IGF2BP1: variants seen among roughly 807,000 people sequenced by gnomAD.
IGF2BP1 encodes insulin like growth factor 2 mRNA binding protein 1.
Under a neutral mutation model 74.9 loss-of-function variants are expected in IGF2BP1, and 11 were observed. The observed-to-expected ratio is 0.15, with a 90% CI of 0.09 to 0.24. The LOEUF is 0.24. Among genes scored for constraint, IGF2BP1 ranks in the 10% least tolerant of loss-of-function variants. The pLI, the probability that IGF2BP1 is intolerant of heterozygous loss-of-function variation, is 1.00. For synonymous variants in IGF2BP1, 287 were observed against 281.8 expected, an observed-to-expected ratio of 1.02 and a Z score of -0.18; for missense variants, 440 against 757.4, an observed-to-expected ratio of 0.58 and a Z score of 4.92.
intron 2 of IGF2BP1, chr17:49,015,066 G>T (rs1328527995): frequency 8.0e-6 from 3 of 374,464 alleles, no homozygotes; most frequent in Non-Finnish European, 1.1e-5. Flanking sequence ...GTGCAGTGGC[G>T]TGATCTCGGC....
chr17:49,014,315 A>C (rs1598130819), intron 2 of IGF2BP1, among the ~76,000 whole-genome samples: 1 of 95,144 alleles, frequency 1.1e-5, no homozygotes, highest in East Asian at 3.8e-4. Flanking sequence ...TCTCCCCCTC[A>C]GTCTCAGCCC....
At chr17:49,016,836 C>T (rs1054388654) in intron 2 of IGF2BP1, among the ~76,000 whole-genome samples, 17 of 146,732 alleles carry the variant, frequency 1.2e-4, no homozygotes, top group African/African-American at 2.5e-4. Context: ...CCTGTCCTCC[C>T]GCCTGTCTGG....
chr17:48,999,392 TA>T (rs2041456714), intron 2 of IGF2BP1, among the ~76,000 whole-genome samples: 1 of 151,806 alleles, frequency 6.6e-6, no homozygotes, highest in Non-Finnish European at 1.5e-5. Context: ...TGGGGTAGGC[TA>T]AAAGATGTTA....
intron 5 of IGF2BP1, chr17:49,037,517 G>T (rs150606492): frequency 1.9e-4 from 38 of 202,438 alleles, no homozygotes; most frequent in Non-Finnish European, 3.3e-4. Flanking sequence ...ATGGACTCAA[G>T]AATGTGTGTT....
intron 2 of IGF2BP1, among the ~76,000 whole-genome samples, chr17:49,006,828 C>T (rs574711904): frequency 6.6e-6 from 1 of 152,282 alleles, no homozygotes; most frequent in South Asian, 2.1e-4. Context: ...ACCAGGGCAA[C>T]CCCACAGAGC....
chr17:49,047,546 C>T (rs568853125), intron 14 of IGF2BP1, among the ~76,000 whole-genome samples: 1 of 151,316 alleles, frequency 6.6e-6, no homozygotes, highest in African/African-American at 2.4e-5. Flanking sequence ...TAAAGGATAC[C>T]TCCAAAGATG....
At chr17:48,998,005 A>C in intron 1 of IGF2BP1, 85 bp downstream of exon 1, 6 of 1,464,576 alleles carry the variant, frequency 4.1e-6, no homozygotes, top group East Asian at 2.4e-5. Flanking sequence ...TCTCCCGCCA[A>C]CTCCTCTCTT....
Position 49,055,550 on chromosome 17 carries a change from G to T in IGF2BP1, c.*6106G>T, listed in dbSNP as rs1452629129. 4 of 397,856 alleles carry T rather than the reference G, an allele frequency of 1.0e-5. No individual in the cohort carries two copies. Among genetic ancestry groups the T allele is most frequent in the Non-Finnish European group, 1.8e-5 (4 of 225,710 alleles). 24.6% of individuals were successfully genotyped at this position (397,856 alleles called of 1,614,324 possible). On this transcript the variant is annotated 3_prime_UTR_variant, in exon 15 of 15. Coordinates refer to ENST00000290341, the MANE Select transcript of IGF2BP1 (RefSeq NM_006546.4). ...CTGGGGAGCCACTTGTAACATTTCT[G>T]TGCAGATTTTATGTTAGCCACTGCT...
intron 2 of IGF2BP1, among the ~76,000 whole-genome samples, chr17:49,019,904 T>TTTTA (rs1202634132): frequency 6.8e-5 from 3 of 43,910 alleles, no homozygotes; most frequent in Non-Finnish European, 1.3e-4. Context: ...CCTGGCTAAT[T>TTTTA]TATATATATA....
chr17:49,015,423 C>T (rs1243199416), intron 2 of IGF2BP1, among the ~76,000 whole-genome samples: 1 of 152,182 alleles, frequency 6.6e-6, no homozygotes, highest in African/African-American at 2.4e-5. Flanking sequence ...GTAGCCTTCC[C>T]GACCCCCGGG....
upstream of IGF2BP1, among the ~76,000 whole-genome samples, chr17:48,997,122 T>C (rs917471056): frequency 1.4e-5 from 2 of 146,262 alleles, no homozygotes; most frequent in African/African-American, 5.0e-5. The surrounding 1 kb of genome is among the most constrained non-coding windows in gnomAD (Gnocchi z 4.8). Context: ...CAGTTTGGGC[T>C]GGGGTAGGGG....
At chr17:49,022,008 A>G (rs971105851) in intron 2 of IGF2BP1, among the ~76,000 whole-genome samples, 5 of 152,212 alleles carry the variant, frequency 3.3e-5, no homozygotes, top group African/African-American at 1.2e-4. Flanking sequence ...GCCTCTTTCC[A>G]TACTAGTCTG....
intron 4 of IGF2BP1, among the ~76,000 whole-genome samples, chr17:49,029,152 T>C (rs889966012): frequency 2.2e-5 from 3 of 135,480 alleles, no homozygotes; most frequent in Non-Finnish European, 3.2e-5. Context: ...TCAAATATTC[T>C]GTAGAACTTG....
intron 2 of IGF2BP1, among the ~76,000 whole-genome samples, chr17:49,009,600 T>C (rs2041591820): frequency 6.6e-6 from 1 of 151,424 alleles, no homozygotes; most frequent in South Asian, 2.1e-4. Flanking sequence ...TCCCAGCAAC[T>C]CTGGAGGCTG....
chr17:49,005,201 A>G (rs576581229), intron 2 of IGF2BP1, among the ~76,000 whole-genome samples: 1 of 152,358 alleles, frequency 6.6e-6, no homozygotes, highest in East Asian at 1.9e-4. Context: ...GACAAAATAT[A>G]TGTTGATTAC....
At chr17:48,999,306 G>T (rs1028889608) in intron 2 of IGF2BP1, 137 bp downstream of exon 2, 3 of 632,002 alleles carry the variant, frequency 4.7e-6, no homozygotes, top group East Asian at 5.6e-5. Context: ...GATGTTGGGG[G>T]CAGGGAGGGA....
rs201955568 is a variant in IGF2BP1 at position 48,997,715 on chromosome 17, C to G, written c.-31C>G. On this transcript the variant is annotated 5_prime_UTR_variant, in exon 1 of 15. Transcript: ENST00000290341. This position sits in a 1 kb window ranked among gnomAD's most constrained non-coding sequence, Gnocchi z 4.8. ...CCGCGCCCGCTCGTTCGGCCTTGCCCGGGACCGCGTCCTGCCCCGAGACCG... is the reference window on the plus strand; with the variant it reads ...CCGCGCCCGCTCGTTCGGCCTTGCCGGGGACCGCGTCCTGCCCCGAGACCG... The G allele has an allele frequency of 8.1e-6, 13 of 1,604,172 alleles. No individual in the cohort carries two copies. Among genetic ancestry groups the G allele is most frequent in the Non-Finnish European group, 1.0e-5 (12 of 1,174,434 alleles).
At position 49,050,356 on chromosome 17, in the gene IGF2BP1, A is replaced by G. The variant is rs945982856; in HGVS notation, c.*912A>G. On this transcript the variant is annotated 3_prime_UTR_variant, in exon 15 of 15. Coordinates refer to ENST00000290341, the MANE Select transcript of IGF2BP1 (RefSeq NM_006546.4). The stretch of plus-strand genomic sequence containing the variant: ...CGGATTTTATATTTTTTTAAAGTCT[A>G]TTTTAATGATTGGATATGAGCACTG... 6.6e-6 allele frequency: 1 copy of G among 152,566 alleles called. No homozygotes were observed. The highest frequency in any genetic ancestry group is 6.5e-5 in the Admixed American group (1 of 15,276). 9.5% of individuals were successfully genotyped at this position (152,566 alleles called of 1,614,324 possible).
At chr17:49,041,766 G>A (rs1177295680) in intron 8 of IGF2BP1, among the ~76,000 whole-genome samples, 1 of 152,176 alleles carries the variant, frequency 6.6e-6, no homozygotes, top group African/African-American at 2.4e-5. Context: ...CTCTTTCCCT[G>A]TGGCTCGTGG....
Sources: allele counts gnomAD v4.1 joint callset (sites outside exome capture counted in the v4.1 genomes callset), GRCh38; gene constraint gnomAD v4.1.1; non-coding constraint Gnocchi (gnomAD v3.1); transcripts MANE v1.5; gene names NCBI Gene and HGNC (gene_info 2026-07-23, HGNC 2026-07-21).